AGMO: variants seen among roughly 807,000 people sequenced by gnomAD.
AGMO encodes glyceryl-ether monooxygenase.
Under a neutral mutation model 60.2 loss-of-function variants are expected in AGMO, and 75 were observed. The observed-to-expected ratio is 1.25, with a 90% CI of 1.03 to 1.51. The LOEUF (loss-of-function observed/expected upper bound fraction) is 1.51. Ranked by LOEUF, AGMO falls within the 40% of genes most tolerant of loss-of-function variation. AGMO has a pLI of 0.00. For missense variants in AGMO, 763 were observed against 525.5 expected (o/e 1.45, Z -4.42); for synonymous variants, 261 against 177.1 (o/e 1.47, Z -3.76).
intron 12 of AGMO, among the ~76,000 whole-genome samples, chr7:15,222,563 C>T (rs1781953673): frequency 1.3e-5 from 2 of 151,994 alleles, no homozygotes; most frequent in Admixed American, 6.6e-5. Context: ...AGCAACCATA[C>T]CTGTATATTT....
the AGMO span, among the ~76,000 whole-genome samples, chr7:15,174,971 T>C: frequency 1.2e-4 from 18 of 151,470 alleles, 1 homozygote; most frequent in African/African-American, 2.4e-4. Flanking sequence ...ATGAATCCTA[T>C]CTAGAATGAA....
intron 5 of AGMO, among the ~76,000 whole-genome samples, chr7:15,403,039 C>A (rs902242024): frequency 6.6e-6 from 1 of 151,838 alleles, no homozygotes; most frequent in East Asian, 1.9e-4. Context: ...AACAAGTTAC[C>A]TTTTCCACAT....
the AGMO span, among the ~76,000 whole-genome samples, chr7:15,119,978 T>A: frequency 6.6e-6 from 1 of 151,308 alleles, no homozygotes; most frequent in Non-Finnish European, 1.5e-5. Flanking sequence ...CTGCACTGGT[T>A]CCTCTCCTGG....
intron 12 of AGMO, among the ~76,000 whole-genome samples, chr7:15,227,335 C>G (rs543619171): frequency 6.6e-6 from 1 of 151,952 alleles, no homozygotes; most frequent in Non-Finnish European, 1.5e-5. Flanking sequence ...TGTAAGGCAA[C>G]GCTGTAACCA....
At chr7:15,341,549 G>A (rs112105103) in intron 12 of AGMO, among the ~76,000 whole-genome samples, 28,824 of 152,054 alleles carry the variant, frequency 0.19, 2,956 homozygotes, top group Admixed American at 0.24. Context: ...ACATCTTTCT[G>A]TCTTCTTCTG....
chr7:15,484,052 G>C (rs1179137362), intron 3 of AGMO, among the ~76,000 whole-genome samples: 1 of 152,040 alleles, frequency 6.6e-6, no homozygotes, highest in Non-Finnish European at 1.5e-5. Flanking sequence ...CCCTGCAGTA[G>C]AATTTCTGGG....
rs1694475409 is a variant in AGMO, at chr7:15,317,968, AC to A, written c.1263+47545del. Among the ~76,000 whole-genome samples, 2 of 143,006 alleles carry A rather than the reference AC, an allele frequency of 1.4e-5. 1 individual carries two copies. The highest frequency in any genetic ancestry group is 3.0e-5 in the Non-Finnish European group (2 of 67,564). 93.8% of individuals were successfully genotyped at this position (143,006 alleles called of 152,430 possible). ...ACACACACACACTATATATATATAT[AC>A]ACACACACGTATATATATATACACG... On this transcript the variant is annotated intron_variant, in intron 12 of 12. Coordinates refer to ENST00000342526, the MANE Select transcript of AGMO (RefSeq NM_001004320.2).
chr7:15,549,813 G>A (rs1371112996), intron 2 of AGMO, among the ~76,000 whole-genome samples: 11 of 151,602 alleles, frequency 7.3e-5, no homozygotes, highest in Middle Eastern at 3.4e-3. Flanking sequence ...TGCACCAAGC[G>A]GACCTAATAG....
At position 15,432,366 on chromosome 7, in the gene AGMO, A is replaced by ACACACACT. The variant is rs1166937434; in HGVS notation, c.410-1259_410-1258insAGTGTGTG. Among the ~76,000 whole-genome samples, 3 of 95,922 alleles carry ACACACACT rather than the reference A, an allele frequency of 3.1e-5. No individual in the cohort carries two copies. In the East Asian group the frequency reaches 7.4e-4, roughly 24 times the overall value. The allele number at this position is 95,922 out of a possible 152,430, so 62.9% of individuals were successfully genotyped here. On this transcript the variant is annotated intron_variant, in intron 3 of 12. Coordinates refer to ENST00000342526, the MANE Select transcript of AGMO (RefSeq NM_001004320.2). ...TATATACATACATATATATATACAC[A>ACACACACT]CACATATATATATACACTATCTGGG...
At chr7:15,289,342 T>C (rs62450293) in intron 12 of AGMO, among the ~76,000 whole-genome samples, 10,362 of 152,096 alleles carry the variant, frequency 0.068, 538 homozygotes, top group South Asian at 0.19. Context: ...AATGTATGTA[T>C]AGCTGTCTCT....
At chr7:15,357,377 G>A (rs1782579158) in intron 12 of AGMO, among the ~76,000 whole-genome samples, 1 of 151,972 alleles carries the variant, frequency 6.6e-6, no homozygotes, top group African/African-American at 2.4e-5. Context: ...AACATTCTGT[G>A]ATGACAATAC....
intron 10 of AGMO, among the ~76,000 whole-genome samples, chr7:15,383,120 GA>G (rs1442865939): frequency 1.3e-5 from 2 of 151,928 alleles, no homozygotes; most frequent in Non-Finnish European, 2.9e-5. Flanking sequence ...TTCGTTCAGT[GA>G]TGTACAGATA....
chr7:15,520,045 A>G (rs1783937347), intron 3 of AGMO, among the ~76,000 whole-genome samples: 1 of 152,030 alleles, frequency 6.6e-6, no homozygotes. Context: ...AGGGGTTGCA[A>G]TTCTAGTCTC....
the AGMO span, among the ~76,000 whole-genome samples, chr7:15,176,138 A>T: frequency 3.3e-5 from 5 of 152,004 alleles, no homozygotes; most frequent in African/African-American, 1.2e-4. Context: ...ATGCTTCAAG[A>T]TTTATACTTA....
chr7:15,179,619 G>A, the AGMO span, among the ~76,000 whole-genome samples: 2 of 152,106 alleles, frequency 1.3e-5, no homozygotes, highest in Non-Finnish European at 2.9e-5. Flanking sequence ...TTGGGTTGAA[G>A]TTGCACACTT....
chr7:15,233,268 C>G (rs926839881), intron 12 of AGMO, among the ~76,000 whole-genome samples: 1 of 152,136 alleles, frequency 6.6e-6, no homozygotes, highest in African/African-American at 2.4e-5. Context: ...TGTAAGGTAT[C>G]GTGAATCCAT....
intron 12 of AGMO, among the ~76,000 whole-genome samples, chr7:15,326,078 GT>G (rs986263276): frequency 2.0e-5 from 3 of 151,694 alleles, no homozygotes; most frequent in South Asian, 2.1e-4. Flanking sequence ...ATAGATACAG[GT>G]TTTTTTTAAA....
the AGMO span, among the ~76,000 whole-genome samples, chr7:15,142,694 C>A: frequency 6.6e-6 from 1 of 152,084 alleles, no homozygotes; most frequent in Non-Finnish European, 1.5e-5. Flanking sequence ...TTTGGTCCAG[C>A]AATGCAACCT....
intron 12 of AGMO, among the ~76,000 whole-genome samples, chr7:15,273,701 A>G (rs1783687585): frequency 6.6e-6 from 1 of 152,148 alleles, no homozygotes; most frequent in African/African-American, 2.4e-5. Context: ...GAATCTATAA[A>G]TTACCTTGGG....
Sources: gnomAD v4.1 joint callset for allele counts (sites outside exome capture counted in the v4.1 genomes callset) on GRCh38, gnomAD v4.1.1 for gene constraint, MANE v1.5 for transcripts, NCBI Gene and HGNC (gene_info 2026-07-23, HGNC 2026-07-21) for gene names.